Variants in CCBE1 observed in about 807,000 individuals in gnomAD.
CCBE1 encodes collagen and calcium-binding EGF domain-containing protein 1.
In CCBE1, 37 loss-of-function variants were observed where a neutral mutation model predicts 50.0. The observed-to-expected ratio is 0.74, with a 90% CI of 0.57 to 0.97. The LOEUF is 0.97. CCBE1 is among the 50% of genes least tolerant of loss of function. The probability of loss-of-function intolerance (pLI) is 0.00; values close to 1 mark genes in which losing one functional copy is unlikely to be tolerated. For synonymous variants in CCBE1, 234 were observed against 203.7 expected (o/e 1.15, Z -1.27); for missense variants, 538 against 523.8 (o/e 1.03, Z -0.26).
At chr18:59,454,982 G>A in intron 5 of CCBE1, 31 bp from the exon 6 acceptor site, 3 of 1,564,102 alleles carry the variant, frequency 1.9e-6, no homozygotes, top group Middle Eastern at 1.7e-4. Context: ...AGTCCTGTCT[G>A]GGAGGCTGGA....
intron 2 of CCBE1, among the ~76,000 whole-genome samples, chr18:59,690,053 T>G (rs1439451582): frequency 6.6e-6 from 1 of 152,170 alleles, no homozygotes; most frequent in East Asian, 1.9e-4. Flanking sequence ...AATCTTTGGG[T>G]CAAAATTCCT....
chr18:59,544,316 T>A (rs1353457374), intron 2 of CCBE1, among the ~76,000 whole-genome samples: 2 of 151,010 alleles, frequency 1.3e-5, no homozygotes, highest in East Asian at 3.8e-4. Flanking sequence ...AATCACTAAC[T>A]GTATTTGTCT....
At chr18:59,577,632 C>T (rs940026356) in intron 2 of CCBE1, among the ~76,000 whole-genome samples, 1 of 152,190 alleles carries the variant, frequency 6.6e-6, no homozygotes, top group Non-Finnish European at 1.5e-5. Context: ...AAAAGACAAA[C>T]CGATGCCTGT....
intron 2 of CCBE1, among the ~76,000 whole-genome samples, chr18:59,668,408 C>T (rs1023241152): frequency 7.2e-6 from 1 of 139,060 alleles, no homozygotes; most frequent in Non-Finnish European, 1.5e-5. Flanking sequence ...CAAAGCGAGA[C>T]TCCATCTCAA....
intron 2 of CCBE1, among the ~76,000 whole-genome samples, chr18:59,481,341 A>AG (rs34508418): frequency 0.6 from 91,030 of 151,888 alleles, 28,010 homozygotes; most frequent in African/African-American, 0.73. Flanking sequence ...CTAATATCAG[A>AG]GTCTAAGGTC....
At chr18:59,525,807 T>C (rs2144338541) in intron 2 of CCBE1, among the ~76,000 whole-genome samples, 1 of 152,034 alleles carries the variant, frequency 6.6e-6, no homozygotes, top group Non-Finnish European at 1.5e-5. Context: ...ATTTTCTGCA[T>C]ATGACTAGCC....
intron 2 of CCBE1, among the ~76,000 whole-genome samples, chr18:59,552,595 T>C (rs1398763573): frequency 6.6e-6 from 1 of 152,218 alleles, no homozygotes; most frequent in Non-Finnish European, 1.5e-5. Context: ...ATTTCAAAGT[T>C]GGCAATAGTT....
intron 2 of CCBE1, among the ~76,000 whole-genome samples, chr18:59,616,313 C>T (rs2053635732): frequency 6.6e-6 from 1 of 152,150 alleles, no homozygotes; most frequent in Admixed American, 6.5e-5. Context: ...CCAGAGGCGG[C>T]CCTGAAAAAT....
intron 2 of CCBE1, among the ~76,000 whole-genome samples, chr18:59,491,210 A>C (rs1047897288): frequency 2.0e-5 from 3 of 152,184 alleles, no homozygotes; most frequent in Non-Finnish European, 2.9e-5. Flanking sequence ...AATATAACAA[A>C]AATTGTTCAC....
chr18:59,584,476 T>C (rs2053146159), intron 2 of CCBE1, among the ~76,000 whole-genome samples: 1 of 151,844 alleles, frequency 6.6e-6, no homozygotes, highest in South Asian at 2.1e-4. Context: ...ATTGTGCACA[T>C]GCACCCGAAA....
At chr18:59,683,683 G>C (rs1195045061) in intron 2 of CCBE1, among the ~76,000 whole-genome samples, 1 of 149,528 alleles carries the variant, frequency 6.7e-6, no homozygotes, top group Non-Finnish European at 1.5e-5. Context: ...GGGTGACAGA[G>C]TGAGACTCCA....
At chr18:59,593,752 G>T (rs976942190) in intron 2 of CCBE1, among the ~76,000 whole-genome samples, 3 of 152,360 alleles carry the variant, frequency 2.0e-5, no homozygotes, top group Middle Eastern at 3.4e-3. Flanking sequence ...AATCAAAGCT[G>T]TTCTCATTGT....
rs183475131 is a variant in CCBE1 at position 59,645,574 on chromosome 18, A to C, written c.212+51055T>G. Reference sequence around the variant, plus strand: ...CTCAGCCATGAAAAGAGAAACCTACATTAAGATGTTCAAATGGAATATCTG... The same window carrying C: ...CTCAGCCATGAAAAGAGAAACCTACCTTAAGATGTTCAAATGGAATATCTG... On this transcript the variant is annotated intron_variant, in intron 2 of 10. Coordinates refer to ENST00000439986, the MANE Select transcript of CCBE1 (RefSeq NM_133459.4). 5.1e-4 allele frequency among the ~76,000 whole-genome samples: 78 copies of C among 152,348 alleles called. 1 individual carries two copies. In the East Asian group the frequency reaches 0.014, roughly 28 times the overall value.
chr18:59,577,654 C>A (rs1222060043), intron 2 of CCBE1, among the ~76,000 whole-genome samples: 1 of 152,220 alleles, frequency 6.6e-6, no homozygotes, highest in East Asian at 1.9e-4. Flanking sequence ...CATAGGCACA[C>A]ACCCCATGTG....
At position 59,468,964 on chromosome 18, in the gene CCBE1, T is replaced by C. The variant is rs114334097; in HGVS notation, c.400+509A>G. On this transcript the variant is annotated intron_variant, in intron 4 of 10. Coordinates refer to ENST00000439986, the MANE Select transcript of CCBE1 (RefSeq NM_133459.4). Reference sequence around the variant, plus strand: ...AAAGCTGCCTTAGAACCTCAAGGAGTGCACGGCTGGGATAGCCAGTTCATG... The same window carrying C: ...AAAGCTGCCTTAGAACCTCAAGGAGCGCACGGCTGGGATAGCCAGTTCATG... Among the ~76,000 whole-genome samples the C allele has an allele frequency of 7.9e-3, 1,202 of 151,420 alleles. 10 individuals carry two copies. The highest frequency in any genetic ancestry group is 0.027 in the African/African-American group (1,131 of 41,224).
chr18:59,662,721 A>T (rs2054301218), intron 2 of CCBE1, among the ~76,000 whole-genome samples: 1 of 152,240 alleles, frequency 6.6e-6, no homozygotes. Context: ...GGTGGAGAGG[A>T]GGGCATGCTG....
intron 2 of CCBE1, among the ~76,000 whole-genome samples, chr18:59,528,740 G>C (rs1307207425): frequency 6.6e-6 from 1 of 152,096 alleles, no homozygotes; most frequent in African/African-American, 2.4e-5. Context: ...ATTTGCTGGG[G>C]GTTCACTCCA....
At chr18:59,565,796 G>C (rs1397191068) in intron 2 of CCBE1, among the ~76,000 whole-genome samples, 1 of 151,502 alleles carries the variant, frequency 6.6e-6, no homozygotes, top group East Asian at 1.9e-4. Flanking sequence ...CAGATAAACA[G>C]CCTGTTCTCT....
intron 3 of CCBE1, among the ~76,000 whole-genome samples, chr18:59,471,200 A>C (rs1365400046): frequency 6.6e-6 from 1 of 152,234 alleles, no homozygotes; most frequent in Admixed American, 6.5e-5. Context: ...GTGCCTAACA[A>C]GGCAGTTCCC....
Sources: gnomAD v4.1 joint callset for allele counts (sites outside exome capture counted in the v4.1 genomes callset) on GRCh38, gnomAD v4.1.1 for gene constraint, MANE v1.5 for transcripts, NCBI Gene and HGNC (gene_info 2026-07-23, HGNC 2026-07-21) for gene names.